The following EIF2AK4 variants were observed in gnomAD, a reference collection of about 807,000 sequenced individuals.
The protein encoded by EIF2AK4 is eIF-2-alpha kinase GCN2.
Under a neutral mutation model 211.1 loss-of-function variants are expected in EIF2AK4, and 139 were observed. That is an observed-to-expected ratio of 0.66 (90% CI 0.57 to 0.76). The LOEUF (loss-of-function observed/expected upper bound fraction) is 0.76. Among genes scored for constraint, EIF2AK4 ranks in the 30% least tolerant of loss-of-function variants. EIF2AK4 has a pLI of 0.00. For synonymous variants in EIF2AK4, 710 were observed against 751.3 expected (o/e 0.94, Z 0.90); for missense variants, 1,664 against 2,043.8 (o/e 0.81, Z 3.58).
intron 20 of EIF2AK4, among the ~76,000 whole-genome samples, chr15:40,000,526 A>G (rs2035076061): frequency 2.0e-5 from 3 of 152,262 alleles, no homozygotes; most frequent in Admixed American, 2.0e-4. Context: ...AGGGAATGGT[A>G]TCAATGCAAA....
chr15:39,955,871 T>A, intron 6 of EIF2AK4, 103 bp downstream of exon 6: 1 of 1,312,450 alleles, frequency 7.6e-7, no homozygotes, highest in Non-Finnish European at 1.0e-6. Context: ...GCGATAGTCT[T>A]AATAACTTTT....
intron 4 of EIF2AK4, among the ~76,000 whole-genome samples, chr15:39,950,108 G>A (rs965928688): frequency 2.6e-5 from 4 of 151,808 alleles, no homozygotes; most frequent in Admixed American, 1.3e-4. Context: ...AAAAGCCTAA[G>A]TATATTTTTC....
At position 39,949,096 on chromosome 15, in the gene EIF2AK4, AT is replaced by A; in HGVS notation, c.361-15del. The stretch of plus-strand genomic sequence containing the variant: ...CCCATTATTTGATCATTTGTGGTTG[AT>A]TTTTGTTTACATGTTTAGGTGATGA... On this transcript the variant is annotated intron_variant, in intron 3 of 38. Transcript: ENST00000263791. 6.2e-7 allele frequency: 1 copy of A among 1,603,746 alleles called. No homozygotes were observed. Among genetic ancestry groups the A allele is most frequent in the Non-Finnish European group, 8.5e-7 (1 of 1,171,490 alleles).
Position 39,934,220 on chromosome 15 carries a change from G to T in EIF2AK4, c.25G>T (p.Gly9Trp). 1 of 1,589,690 alleles carries T rather than the reference G, an allele frequency of 6.3e-7. No homozygotes were observed. Residue 9 changes from glycine (G) to tryptophan (W), a missense_variant, in exon 1 of 39, where the codon GGG becomes TGG. Gly to Trp is a radical substitution (Grantham distance 184, BLOSUM62 -2). This residue lies in a region of EIF2AK4 where 641 missense variants were observed against 729.6 expected (regional missense o/e 0.88). Coordinates refer to ENST00000263791, the MANE Select transcript of EIF2AK4 (RefSeq NM_001013703.4). MAGGRGAP[G>W]RGRDEPPESY... ...CATGGCTGGGGGCCGTGGGGCCCCC[G>T]GGCGCGGCCGGGACGAGCCTCCGGA...
intron 18 of EIF2AK4, among the ~76,000 whole-genome samples, chr15:39,996,034 G>A (rs2035013841): frequency 1.3e-5 from 2 of 152,246 alleles, no homozygotes; most frequent in South Asian, 4.1e-4. Context: ...CCAGCCCCTG[G>A]TAGCCATCAT....
intron 30 of EIF2AK4, among the ~76,000 whole-genome samples, chr15:40,020,347 T>TC (rs2035366461): frequency 6.6e-6 from 1 of 150,882 alleles, no homozygotes; most frequent in East Asian, 2.0e-4. Context: ...ATAACATTTT[T>TC]TTTTTTTTTA....
At chr15:40,000,913 C>A in intron 20 of EIF2AK4, 75 bp from the exon 21 acceptor site, 1 of 1,457,590 alleles carries the variant, frequency 6.9e-7, no homozygotes, top group Non-Finnish European at 9.6e-7. Flanking sequence ...CCTGAACTGA[C>A]TACTGACTTG....
At chr15:39,997,984 T>G (rs912750172) in intron 19 of EIF2AK4, among the ~76,000 whole-genome samples, 2 of 152,244 alleles carry the variant, frequency 1.3e-5, no homozygotes, top group Admixed American at 6.5e-5. Flanking sequence ...AGAATACTCC[T>G]GTATTCCACT....
At chr15:39,985,920 G>A (rs1166024388) in intron 14 of EIF2AK4, 32 bp downstream of exon 14, 2 of 1,590,324 alleles carry the variant, frequency 1.3e-6, no homozygotes, top group South Asian at 1.1e-5. Flanking sequence ...AGGTGACACA[G>A]CAACACCCAG....
At chr15:39,947,774 G>A (rs2034249521) in intron 3 of EIF2AK4, among the ~76,000 whole-genome samples, 3 of 152,216 alleles carry the variant, frequency 2.0e-5, no homozygotes, top group South Asian at 4.1e-4. Context: ...TCTGAGGGAG[G>A]CCAGTGAGCC....
chr15:39,935,785 C>T (rs967724559), intron 1 of EIF2AK4, among the ~76,000 whole-genome samples: 1 of 152,174 alleles, frequency 6.6e-6, no homozygotes. Context: ...TTGTTTTAGG[C>T]ATTAGGAATA....
In EIF2AK4 at chr15:39,976,737, G is replaced by A. The variant is rs1412722954; in HGVS notation, c.2142G>A (p.Ser714=). The A allele has an allele frequency of 6.2e-7, 1 of 1,601,256 alleles. No individual in the cohort carries two copies. Among genetic ancestry groups the A allele is most frequent in the Non-Finnish European group, 8.5e-7 (1 of 1,176,718 alleles). ...GCAGCTCGGTGGAGTGGAGCACTTC[G>A]GGCGAGCGCTCGGCCAGTGCCCGTT... ...ILSSSVEWST[S]GERSASARFP... Residue 714 remains serine, a synonymous_variant, in exon 12 of 39, where the codon TCG becomes TCA. Transcript: ENST00000263791.
chr15:39,957,132 T>A (rs1203417511), intron 6 of EIF2AK4, among the ~76,000 whole-genome samples: 1 of 152,238 alleles, frequency 6.6e-6, no homozygotes, highest in African/African-American at 2.4e-5. Flanking sequence ...CTAACAAATT[T>A]TTGTTGTATT....
At chr15:40,013,415 G>A (rs141169634) in intron 27 of EIF2AK4, among the ~76,000 whole-genome samples, 6 of 152,232 alleles carry the variant, frequency 3.9e-5, no homozygotes, top group East Asian at 3.9e-4. Context: ...AGATATATCC[G>A]AGAGTGGGTA....
chr15:39,967,994 A>G, intron 9 of EIF2AK4, 115 bp downstream of exon 9: 3 of 1,077,152 alleles, frequency 2.8e-6, no homozygotes, highest in Non-Finnish European at 4.0e-6. Flanking sequence ...ACAGGACTTC[A>G]TTCTTTGCTC....
At chr15:40,001,563 G>T (rs2035091668) in intron 21 of EIF2AK4, among the ~76,000 whole-genome samples, 1 of 151,394 alleles carries the variant, frequency 6.6e-6, no homozygotes, top group Non-Finnish European at 1.5e-5. Context: ...CTGGGAGGCA[G>T]GCGGAGGTTG....
intron 11 of EIF2AK4, chr15:39,974,258 T>TAA (rs2034664138): frequency 6.6e-6 from 1 of 152,336 alleles, no homozygotes; most frequent in Non-Finnish European, 1.5e-5. Context: ...TCTTCCTTTC[T>TAA]TCGTTCTAGT....
intron 7 of EIF2AK4, 147 bp downstream of exon 7, chr15:39,962,046 A>G: frequency 1.8e-6 from 1 of 569,564 alleles, no homozygotes; most frequent in Non-Finnish European, 3.1e-6. Flanking sequence ...TCCCATCCTT[A>G]ATGACTGGAA....
intron 5 of EIF2AK4, among the ~76,000 whole-genome samples, chr15:39,954,299 C>A (rs915345269): frequency 3.6e-4 from 55 of 152,212 alleles, no homozygotes; most frequent in African/African-American, 1.3e-3. Flanking sequence ...GTCGCCCAGG[C>A]TGGAGTGCAG....
Sources: gnomAD v4.1 joint callset for allele counts (sites outside exome capture counted in the v4.1 genomes callset) on GRCh38, gnomAD v4.1.1 for gene constraint, gnomAD v4.1.1 regional missense constraint, MANE v1.5 for transcripts, NCBI Gene and HGNC (gene_info 2026-07-23, HGNC 2026-07-21) for gene names.